The following P4HA3 variants were observed in gnomAD, a reference collection of about 807,000 sequenced individuals.
P4HA3 encodes the protein prolyl 4-hydroxylase subunit alpha 3, also known as prolyl 4-hydroxylase subunit alpha-3.
In P4HA3, 60 loss-of-function variants were observed where a neutral mutation model predicts 66.7. That is an observed-to-expected ratio of 0.90 (90% CI 0.73 to 1.12). The LOEUF is 1.12. Ranked by LOEUF, P4HA3 falls within the 50% of genes most tolerant of loss-of-function variation. P4HA3 has a pLI of 0.00. For synonymous variants in P4HA3, 263 were observed against 274.6 expected (o/e 0.96, Z 0.42); for missense variants, 683 against 685.8 (o/e 1.00, Z 0.05).
chr11:74,310,348 T>C (rs761581465), intron 1 of P4HA3, among the ~76,000 whole-genome samples: 11 of 152,264 alleles, frequency 7.2e-5, no homozygotes, highest in Non-Finnish European at 1.6e-4. Context: ...CTAGAGTTTG[T>C]TGACTGTACC....
At chr11:74,311,261 A>C (rs1861733998) in intron 1 of P4HA3, 151 bp downstream of exon 1, 2 of 924,258 alleles carry the variant, frequency 2.2e-6, no homozygotes, top group Admixed American at 7.9e-5. Context: ...CCCATGCCAC[A>C]ATGTCTCAGT....
rs765100253 is a variant in P4HA3 at position 74,253,498 on chromosome 11, T to C, written c.*1319-5497A>G. 11 of 1,608,674 alleles carry C rather than the reference T, an allele frequency of 6.8e-6. No homozygotes were observed. The South Asian group carries it at 9.9e-5, about 14-fold the overall frequency. On this transcript the variant is annotated intron_variant and NMD_transcript_variant, in intron 15 of 15. Coordinates refer to the P4HA3 transcript ENST00000524388. The stretch of plus-strand genomic sequence containing the variant: ...TCTTTCTGTTCTTCCACAGTGTGTT[T>C]CCTGGCTGTTAGTGACCTGCTGTCC...
chr11:74,304,499 A>T (rs1343359261), intron 1 of P4HA3, 87 bp from the exon 2 acceptor site: 4 of 1,451,190 alleles, frequency 2.8e-6, no homozygotes, highest in East Asian at 4.6e-5. Flanking sequence ...CATTAAGAGT[A>T]GCTAACACTG....
At chr11:74,273,652 C>T (rs1036262568) in intron 9 of P4HA3, 45 bp from the exon 10 acceptor site, 2 of 1,446,318 alleles carry the variant, frequency 1.4e-6, no homozygotes, top group Non-Finnish European at 1.8e-6. Flanking sequence ...GCAGATGGCA[C>T]CAGAGGGACA....
chr11:74,301,766 T>C (rs1029991393), intron 3 of P4HA3, among the ~76,000 whole-genome samples: 5 of 152,184 alleles, frequency 3.3e-5, no homozygotes, highest in African/African-American at 1.2e-4. Flanking sequence ...GGCGGGGGTG[T>C]TCCTGAAGTC....
chr11:74,267,776 TC>T (rs1860038752), intron 12 of P4HA3, among the ~76,000 whole-genome samples: 2 of 152,190 alleles, frequency 1.3e-5, no homozygotes, highest in South Asian at 4.1e-4. Context: ...TGCTTATTGA[TC>T]TCTTCTTTGT....
intron 7 of P4HA3, among the ~76,000 whole-genome samples, chr11:74,284,841 T>A (rs1254184081): frequency 6.6e-6 from 1 of 152,084 alleles, no homozygotes; most frequent in East Asian, 1.9e-4. Context: ...GTGTTGAATA[T>A]CTGCTTCCTA....
chr11:74,279,357 G>T (rs374027005), intron 8 of P4HA3, 31 bp downstream of exon 8: 124 of 1,604,472 alleles, frequency 7.7e-5, no homozygotes, highest in Non-Finnish European at 1.5e-5. Flanking sequence ...AGGGTGGGCA[G>T]CAGGTATGAC....
At chr11:74,273,191 A>G (rs1860266116) in intron 10 of P4HA3, among the ~76,000 whole-genome samples, 1 of 152,090 alleles carries the variant, frequency 6.6e-6, no homozygotes, top group African/African-American at 2.4e-5. Flanking sequence ...TTCAACACTG[A>G]TTAGTCCATG....
intron 15 of P4HA3, chr11:74,251,915 G>C: frequency 5.2e-6 from 4 of 768,450 alleles, no homozygotes; most frequent in Non-Finnish European, 9.3e-6. Flanking sequence ...GTGCTCCCAC[G>C]GGTTGATGCT....
downstream of P4HA3, among the ~76,000 whole-genome samples, chr11:74,265,510 T>G (rs961444955): frequency 3.3e-5 from 5 of 152,202 alleles, no homozygotes; most frequent in Non-Finnish European, 5.9e-5. Context: ...GAGCAATACA[T>G]GCCCACAGCC....
chr11:74,271,325 G>A (rs1860188546), intron 10 of P4HA3, among the ~76,000 whole-genome samples: 1 of 152,200 alleles, frequency 6.6e-6, no homozygotes, highest in African/African-American at 2.4e-5. Flanking sequence ...GCCCTTGTCA[G>A]TAAGGGGCAA....
Position 74,298,292 on chromosome 11 carries a change from C to T in P4HA3, c.637G>A (p.Gly213Arg). Residue 213 changes from glycine (G) to arginine (R), a missense_variant, in exon 4 of 13, where the codon GGA becomes AGA. By Grantham distance (125) the Gly-to-Arg change is moderately radical. Coordinates refer to ENST00000331597, the MANE Select transcript of P4HA3 (RefSeq NM_182904.5). ...TCTGTCTTCCACTCTCCGTAAGATCCTCGGAAGAGACTGACAGCCTCCTCC... is the reference window on the plus strand; with the variant it reads ...TCTGTCTTCCACTCTCCGTAAGATCTTCGGAAGAGACTGACAGCCTCCTCC... ...WLEEAVSLFR[G>R]SYGEWKTEDE... The T allele has an allele frequency of 6.2e-7, 1 of 1,614,092 alleles. No homozygotes were observed.
chr11:74,260,959 G>GA (rs1859896885), intron 14 of P4HA3, among the ~76,000 whole-genome samples: 1 of 152,156 alleles, frequency 6.6e-6, no homozygotes, highest in South Asian at 2.1e-4. Context: ...GCCAACTGGG[G>GA]ACCTCCATGG....
chr11:74,311,332 C>T, intron 1 of P4HA3, 80 bp downstream of exon 1: 1 of 1,380,076 alleles, frequency 7.2e-7, no homozygotes, highest in Non-Finnish European at 9.4e-7. Flanking sequence ...TGGGGTCACA[C>T]TCAACCTGAG....
chr11:74,289,234 C>T, intron 4 of P4HA3, 104 bp from the exon 5 acceptor site: 1 of 1,026,768 alleles, frequency 9.7e-7, no homozygotes. Flanking sequence ...ATATTCTTAC[C>T]ATAAGTAGAT....
chr11:74,253,389 G>A, intron 15 of P4HA3: 1 of 1,201,144 alleles, frequency 8.3e-7, no homozygotes, highest in Non-Finnish European at 1.2e-6. Flanking sequence ...ATTTGCCAGG[G>A]CCTTGGTGGT....
At chr11:74,278,438 T>C (rs1412164306) in intron 8 of P4HA3, among the ~76,000 whole-genome samples, 3 of 152,190 alleles carry the variant, frequency 2.0e-5, no homozygotes, top group African/African-American at 7.2e-5. Flanking sequence ...GGAAAATGAT[T>C]TGGCAATTAG....
chr11:74,304,059 C>T (rs186898909), intron 2 of P4HA3, among the ~76,000 whole-genome samples: 2 of 152,220 alleles, frequency 1.3e-5, no homozygotes, highest in African/African-American at 2.4e-5. Context: ...TCAAATGAGA[C>T]AATTGATATG....
Sources: gnomAD v4.1 joint callset for allele counts (sites outside exome capture counted in the v4.1 genomes callset) on GRCh38, gnomAD v4.1.1 for gene constraint, MANE v1.5 for transcripts, NCBI Gene and HGNC (gene_info 2026-07-23, HGNC 2026-07-21) for gene names.